Variants in CHIC2 observed in about 807,000 individuals in gnomAD.
The protein encoded by CHIC2 is cysteine rich hydrophobic domain 2, also known as cysteine-rich hydrophobic domain-containing protein 2.
CHIC2 carries 14 observed loss-of-function variants against 25.9 expected under a neutral mutation model. The ratio of observed to expected loss-of-function variants is 0.54; its 90% CI spans 0.36 to 0.85. The LOEUF is 0.85. Ranked by LOEUF, CHIC2 falls within the 40% of genes least tolerant of loss-of-function variation. The pLI is 0.01. For synonymous variants in CHIC2, 70 were observed against 72.0 expected, an observed-to-expected ratio of 0.97 and a Z score of 0.14; for missense variants, 146 against 202.0, an observed-to-expected ratio of 0.72 and a Z score of 1.68.
chr4:54,028,779 T>C (rs1161619853), intron 3 of CHIC2, among the ~76,000 whole-genome samples: 4 of 152,212 alleles, frequency 2.6e-5, no homozygotes, highest in Admixed American at 2.6e-4. Flanking sequence ...TTGGAATAAC[T>C]GGTATTATAA....
intron 3 of CHIC2, among the ~76,000 whole-genome samples, chr4:54,029,467 T>C (rs969755732): frequency 1.9e-4 from 29 of 152,198 alleles, no homozygotes; most frequent in African/African-American, 6.5e-4. Flanking sequence ...TTGAATAGCA[T>C]TCTAAAAAAA....
At chr4:54,083,018 C>CTTTTTTTTTTTT in the CHIC2 span, among the ~76,000 whole-genome samples, 86 of 67,916 alleles carry the variant, frequency 1.3e-3, 4 homozygotes, top group African/African-American at 1.9e-3. Context: ...TTCTTTCTTT[C>CTTTTTTTTTTTT]TTTTTTTTTT....
intron 3 of CHIC2, among the ~76,000 whole-genome samples, chr4:54,021,038 A>G (rs1330575805): frequency 2.6e-5 from 4 of 151,634 alleles, no homozygotes; most frequent in African/African-American, 7.3e-5. Flanking sequence ...CTTTAAACTT[A>G]CCTTCTTCAC....
At chr4:54,071,311 G>T in the CHIC2 span, among the ~76,000 whole-genome samples, 142 of 152,320 alleles carry the variant, frequency 9.3e-4, 1 homozygote, top group Admixed American at 5.4e-3. Context: ...TTGGATTTTG[G>T]ATTTTTAGAT....
At chr4:54,084,983 C>CAAAAAAAAAAAAAAAAA in the CHIC2 span, among the ~76,000 whole-genome samples, 156 of 106,622 alleles carry the variant, frequency 1.5e-3, no homozygotes, top group Middle Eastern at 5.0e-3. Flanking sequence ...AAAAAAAAAT[C>CAAAAAAAAAAAAAAAAA]AAACAGGTAG....
At chr4:54,087,754 G>C in the CHIC2 span, 1 of 490,938 alleles carries the variant, frequency 2.0e-6, no homozygotes, top group Non-Finnish European at 3.7e-6. Flanking sequence ...TTACAAAGTA[G>C]CTTCTGCTAA....
At chr4:54,083,669 C>A in the CHIC2 span, among the ~76,000 whole-genome samples, 1 of 152,192 alleles carries the variant, frequency 6.6e-6, no homozygotes, top group Non-Finnish European at 1.5e-5. Flanking sequence ...TCTCTCCTCT[C>A]CATTCCCACC....
upstream of CHIC2, among the ~76,000 whole-genome samples, chr4:54,065,941 C>T (rs1717509485): frequency 6.6e-6 from 1 of 152,170 alleles, no homozygotes; most frequent in East Asian, 1.9e-4. Flanking sequence ...GTATCCCTCC[C>T]TGGAGGGTAT....
At chr4:54,054,433 T>G (rs1717106208) in intron 1 of CHIC2, among the ~76,000 whole-genome samples, 1 of 152,262 alleles carries the variant, frequency 6.6e-6, no homozygotes, top group African/African-American at 2.4e-5. Context: ...TGCTTCAACT[T>G]GTTTTGCCCT....
intron 3 of CHIC2, among the ~76,000 whole-genome samples, chr4:54,044,957 T>C (rs947249713): frequency 1.3e-5 from 2 of 151,664 alleles, no homozygotes; most frequent in African/African-American, 4.8e-5. Flanking sequence ...TAAAAAATGA[T>C]AAAGGGGATA....
chr4:54,025,585 G>A (rs549212506), intron 3 of CHIC2, among the ~76,000 whole-genome samples: 4 of 152,234 alleles, frequency 2.6e-5, no homozygotes, highest in East Asian at 1.9e-4. Flanking sequence ...AAGGCCGGGC[G>A]CAATAGCTCA....
intron 3 of CHIC2, among the ~76,000 whole-genome samples, chr4:54,039,234 T>C (rs981535296): frequency 1.3e-5 from 2 of 152,148 alleles, no homozygotes; most frequent in Admixed American, 1.3e-4. Flanking sequence ...TTTAAAGCGA[T>C]GAATTCATCA....
In CHIC2 at chr4:54,064,081, G is replaced by A; in HGVS notation, c.119+101C>T. Reference sequence around the variant, plus strand: ...TCCTGGTTGCCTACTCTTTCGGAAGGCCCCCGACACCAGACGGACACAGGG... The same window carrying A: ...TCCTGGTTGCCTACTCTTTCGGAAGACCCCCGACACCAGACGGACACAGGG... On this transcript the variant is annotated intron_variant, in intron 1 of 5. Coordinates refer to ENST00000263921, the MANE Select transcript of CHIC2 (RefSeq NM_012110.4). The surrounding 1 kb of genome is among the most constrained non-coding windows in gnomAD (Gnocchi z 4.2). The A allele has an allele frequency of 5.0e-6, 5 of 997,974 alleles. No individual in the cohort carries two copies. Among genetic ancestry groups the A allele is most frequent in the Admixed American group, 2.6e-5 (1 of 39,196 alleles). 61.8% of individuals were successfully genotyped at this position (997,974 alleles called of 1,614,324 possible). A position where few individuals can be genotyped will look rare whatever the true frequency, so the allele number is the denominator to read the frequency against.
intron 3 of CHIC2, 34 bp from the exon 4 acceptor site, chr4:54,014,153 A>C: frequency 1.2e-6 from 2 of 1,604,796 alleles, no homozygotes; most frequent in Non-Finnish European, 1.7e-6. Context: ...TTTACTCTTG[A>C]CTGGTTTTAG....
At chr4:54,080,737 C>T in the CHIC2 span, among the ~76,000 whole-genome samples, 1 of 143,356 alleles carries the variant, frequency 7.0e-6, no homozygotes, top group African/African-American at 2.6e-5. Context: ...GCTTGGGCTA[C>T]AGAGTGAGAC....
the CHIC2 span, among the ~76,000 whole-genome samples, chr4:54,072,860 C>T: frequency 6.6e-6 from 1 of 152,154 alleles, no homozygotes; most frequent in African/African-American, 2.4e-5. Context: ...ATCACAAAGT[C>T]AGGAGATCAA....
intron 3 of CHIC2, among the ~76,000 whole-genome samples, chr4:54,031,395 T>TA (rs1352716252): frequency 6.6e-6 from 1 of 152,072 alleles, no homozygotes; most frequent in Non-Finnish European, 1.5e-5. Flanking sequence ...ATGATCTTAC[T>TA]AATGCCAGGA....
Position 54,027,877 on chromosome 4 carries a change from AACTT to A in CHIC2, c.331-13762_331-13759del, listed in dbSNP as rs1286783335. Among the ~76,000 whole-genome samples the A allele has an allele frequency of 2.0e-5, 3 of 152,236 alleles. No homozygotes were observed. The East Asian group carries it at 5.8e-4, about 29-fold the overall frequency. ...GCTAGGGAGTAGGAACCTAATAAATAACTTTTCAAAGACAGGATGTTGATTTTCA... is the reference window on the plus strand; with the variant it reads ...GCTAGGGAGTAGGAACCTAATAAATATTCAAAGACAGGATGTTGATTTTCA... On this transcript the variant is annotated intron_variant, in intron 3 of 5. Transcript: ENST00000263921.
chr4:54,088,388 G>A, the CHIC2 span, among the ~76,000 whole-genome samples: 1 of 151,696 alleles, frequency 6.6e-6, no homozygotes, highest in African/African-American at 2.4e-5. Flanking sequence ...TGAAAAAGTT[G>A]ATATTTTAGG....
Sources: allele counts gnomAD v4.1 joint callset (sites outside exome capture counted in the v4.1 genomes callset), GRCh38; gene constraint gnomAD v4.1.1; non-coding constraint Gnocchi (gnomAD v3.1); transcripts MANE v1.5; gene names NCBI Gene and HGNC (gene_info 2026-07-23, HGNC 2026-07-21).